Variants in ANXA3 observed in about 807,000 individuals in gnomAD.
The protein encoded by ANXA3 is annexin A3, also known as 35-alpha calcimedin.
In ANXA3, 46 loss-of-function variants were observed where a neutral mutation model predicts 48.8. The ratio of observed to expected loss-of-function variants is 0.94; its 90% CI spans 0.74 to 1.21. The LOEUF is 1.21. Among genes scored for constraint, ANXA3 ranks in the 50% most tolerant of loss-of-function variants. ANXA3 has a pLI of 0.00. For missense variants in ANXA3, 383 were observed against 378.6 expected (o/e 1.01, Z -0.10); for synonymous variants, 128 against 134.7 (o/e 0.95, Z 0.35).
chr4:78,553,780 G>A (rs548409873), intron 1 of ANXA3: 3 of 152,236 alleles, frequency 2.0e-5, no homozygotes, highest in Admixed American at 2.0e-4. Flanking sequence ...CCCAGGAAGG[G>A]TGGGAGCAAC....
intron 2 of ANXA3, among the ~76,000 whole-genome samples, chr4:78,569,924 A>T (rs1459758897): frequency 6.6e-6 from 1 of 152,228 alleles, no homozygotes; most frequent in Admixed American, 6.5e-5. Context: ...AAATAATAAA[A>T]TTCACCTCAT....
At chr4:78,567,369 G>A (rs930825458) in intron 2 of ANXA3, among the ~76,000 whole-genome samples, 1 of 152,166 alleles carries the variant, frequency 6.6e-6, no homozygotes, top group Admixed American at 6.5e-5. Context: ...GCCTCTTCCT[G>A]GTTTCTAGTG....
chr4:78,588,776 C>T (rs1455511918), intron 6 of ANXA3, among the ~76,000 whole-genome samples: 3 of 152,192 alleles, frequency 2.0e-5, no homozygotes, highest in African/African-American at 7.2e-5. Flanking sequence ...CTTTCCACCT[C>T]CTGCCTTCCA....
At chr4:78,563,754 A>AATT (rs1722673347) in intron 2 of ANXA3, among the ~76,000 whole-genome samples, 4 of 152,226 alleles carry the variant, frequency 2.6e-5, no homozygotes, top group Non-Finnish European at 5.9e-5. Context: ...GGGCCATTTA[A>AATT]GAAGATGTGG....
At chr4:78,572,473 T>G in intron 2 of ANXA3, among the ~76,000 whole-genome samples, 1 of 152,038 alleles carries the variant, frequency 6.6e-6, no homozygotes, top group East Asian at 1.9e-4. Context: ...TCAATTTCCC[T>G]GAAGGCTCAA....
At chr4:78,562,145 G>T (rs1722639127) in intron 2 of ANXA3, among the ~76,000 whole-genome samples, 2 of 152,184 alleles carry the variant, frequency 1.3e-5, no homozygotes, top group Admixed American at 1.3e-4. Flanking sequence ...AAAAGCTCTA[G>T]ATCAGAGGAA....
chr4:78,553,360 G>A (rs960649335), intron 1 of ANXA3, among the ~76,000 whole-genome samples: 4 of 151,702 alleles, frequency 2.6e-5, no homozygotes, highest in East Asian at 1.9e-4. Context: ...AATATCTACC[G>A]TGCACCAGTG....
At chr4:78,595,543 T>TC in intron 8 of ANXA3, 106 bp downstream of exon 8, 3 of 1,229,578 alleles carry the variant, frequency 2.4e-6, no homozygotes, top group East Asian at 2.4e-5. Flanking sequence ...GACTTTTCTT[T>TC]TTTTTTTTTT....
chr4:78,556,813 T>C (rs1722521834), intron 2 of ANXA3, among the ~76,000 whole-genome samples: 1 of 151,918 alleles, frequency 6.6e-6, no homozygotes, highest in African/African-American at 2.4e-5. Flanking sequence ...TAAATTAACA[T>C]GGAATTATTT....
chr4:78,586,542 C>T (rs1044000778), intron 6 of ANXA3, among the ~76,000 whole-genome samples, 192 bp downstream of exon 6: 9 of 152,244 alleles, frequency 5.9e-5, no homozygotes, highest in Non-Finnish European at 1.0e-4. Context: ...GAGCTAGAGA[C>T]TGCTACATAA....
intron 2 of ANXA3, among the ~76,000 whole-genome samples, chr4:78,570,357 G>C (rs1310887285): frequency 5.3e-5 from 8 of 152,204 alleles, no homozygotes; most frequent in Admixed American, 5.2e-4. Flanking sequence ...CAGCTGGAGT[G>C]CAAACCCTGA....
Position 78,592,410 on chromosome 4 carries a change from C to T in ANXA3, c.483+787C>T, listed in dbSNP as rs565979707. On this transcript the variant is annotated intron_variant, in intron 7 of 12. Transcript: ENST00000264908. ...AGTGAGGCATTATGCCATTAGGAAGCGATTTATCTAAATTATGGTTTCAGT... is the reference window on the plus strand; with the variant it reads ...AGTGAGGCATTATGCCATTAGGAAGTGATTTATCTAAATTATGGTTTCAGT... Among the ~76,000 whole-genome samples, 18 of 152,270 alleles carry T rather than the reference C, an allele frequency of 1.2e-4. No homozygotes were observed. The East Asian group carries it at 2.9e-3, about 24-fold the overall frequency.
chr4:78,577,043 G>A (rs766582469), intron 3 of ANXA3, among the ~76,000 whole-genome samples: 2 of 152,066 alleles, frequency 1.3e-5, no homozygotes, highest in Non-Finnish European at 2.9e-5. Flanking sequence ...TGAGCTAAGG[G>A]GCTTAAACTT....
At chr4:78,567,473 A>G (rs1387844483) in intron 2 of ANXA3, among the ~76,000 whole-genome samples, 1 of 152,056 alleles carries the variant, frequency 6.6e-6, no homozygotes, top group Non-Finnish European at 1.5e-5. Context: ...AGAAAACCAG[A>G]CAGAAGTTTA....
At chr4:78,594,548 G>C (rs941951554) in intron 7 of ANXA3, among the ~76,000 whole-genome samples, 1 of 152,204 alleles carries the variant, frequency 6.6e-6, no homozygotes, top group African/African-American at 2.4e-5. Flanking sequence ...CCAGTATTTG[G>C]TGTTGTCAGT....
intron 11 of ANXA3, chr4:78,603,855 A>G (rs1244294899): frequency 6.5e-6 from 1 of 152,884 alleles, no homozygotes; most frequent in Non-Finnish European, 1.5e-5. Context: ...TCTCCTCCCT[A>G]CATGAACCTA....
chr4:78,560,965 T>C (rs1269137617), intron 2 of ANXA3, among the ~76,000 whole-genome samples: 2 of 152,248 alleles, frequency 1.3e-5, no homozygotes, highest in Non-Finnish European at 2.9e-5. Flanking sequence ...TAAAGTTATA[T>C]TAATACCAAT....
chr4:78,555,329 C>T (rs1722488457), intron 2 of ANXA3, among the ~76,000 whole-genome samples: 1 of 152,178 alleles, frequency 6.6e-6, no homozygotes, highest in South Asian at 2.1e-4. Context: ...ATTTTAACTA[C>T]ATACAAGTTT....
intron 4 of ANXA3, 124 bp downstream of exon 4, chr4:78,579,245 A>G (rs1723026507): frequency 1.7e-6 from 1 of 586,864 alleles, no homozygotes; most frequent in Admixed American, 2.8e-5. Flanking sequence ...CTGTGCATCC[A>G]GTCAGGAGCC....
Sources: gnomAD v4.1 joint callset for allele counts (sites outside exome capture counted in the v4.1 genomes callset) on GRCh38, gnomAD v4.1.1 for gene constraint, MANE v1.5 for transcripts, NCBI Gene and HGNC (gene_info 2026-07-23, HGNC 2026-07-21) for gene names.